RBFOX3: variants seen among roughly 807,000 people sequenced by gnomAD.
The protein encoded by RBFOX3 is RNA binding protein fox-1 homolog 3.
Under a neutral mutation model 48.7 loss-of-function variants are expected in RBFOX3, and 17 were observed. The observed-to-expected ratio is 0.35, with a 90% CI of 0.24 to 0.52. The LOEUF (loss-of-function observed/expected upper bound fraction) is 0.52. RBFOX3 is among the 20% of genes least tolerant of loss of function. The pLI is 0.94. For missense variants in RBFOX3, 382 were observed against 497.5 expected (o/e 0.77, Z 2.21); for synonymous variants, 212 against 209.5 (o/e 1.01, Z -0.10).
intron 2 of RBFOX3, among the ~76,000 whole-genome samples, chr17:79,420,175 A>ACACACACACAC (rs1555721370): frequency 2.5e-4 from 18 of 71,738 alleles, no homozygotes; most frequent in African/African-American, 6.9e-4. Flanking sequence ...ACACACACAC[A>ACACACACACAC]AAAGATGGTT....
At chr17:79,225,465 A>G (rs2060208049) in intron 4 of RBFOX3, among the ~76,000 whole-genome samples, 1 of 151,958 alleles carries the variant, frequency 6.6e-6, no homozygotes, top group Non-Finnish European at 1.5e-5. Flanking sequence ...TAATTTTAGT[A>G]TTTTTAGTAG....
the RBFOX3 span, among the ~76,000 whole-genome samples, chr17:79,620,047 GCA>G: frequency 3.3e-5 from 4 of 121,742 alleles, no homozygotes; most frequent in African/African-American, 1.3e-4. Flanking sequence ...ATGCACACAC[GCA>G]CATGCACACA....
At chr17:79,317,186 C>A (rs1329315507) in intron 2 of RBFOX3, among the ~76,000 whole-genome samples, 2 of 152,196 alleles carry the variant, frequency 1.3e-5, no homozygotes, top group Non-Finnish European at 2.9e-5. Flanking sequence ...TTTCTCAAGG[C>A]CACACAGTCA....
In RBFOX3 at chr17:79,522,929, C is replaced by CAA. The variant is rs34245309; in HGVS notation, c.-319-40333_-319-40332dup. Reference sequence around the variant, plus strand: ...TGGGTGACAGAGCAAGACTCCGTCTCAAAAAAAAAAAAAAAAAAAAAAAAA... The same window carrying CAA: ...TGGGTGACAGAGCAAGACTCCGTCTCAAAAAAAAAAAAAAAAAAAAAAAAAAA... On this transcript the variant is annotated intron_variant, in intron 1 of 14. Coordinates refer to ENST00000693108, the MANE Select transcript of RBFOX3 (RefSeq NM_001350451.2). Among the ~76,000 whole-genome samples, 93 of 31,940 alleles carry CAA rather than the reference C, an allele frequency of 2.9e-3. 8 individuals are homozygous for CAA. Among genetic ancestry groups the CAA allele is most frequent in the Middle Eastern group, 0.016 (1 of 64 alleles). The allele number at this position is 31,940 out of a possible 152,430, so 21.0% of individuals were successfully genotyped here. A position where few individuals can be genotyped will look rare whatever the true frequency, so the allele number is the denominator to read the frequency against.
chr17:79,598,325 CACACGCTCATGCACAT>C (rs1346161505), intron 1 of RBFOX3: 1 of 152,478 alleles, frequency 6.6e-6, no homozygotes, highest in Non-Finnish European at 1.5e-5. Flanking sequence ...CACATGCACA[CACACGCTCATGCACAT>C]GCACACACAT....
At chr17:79,297,773 A>G (rs985829249) in intron 3 of RBFOX3, among the ~76,000 whole-genome samples, 1 of 152,242 alleles carries the variant, frequency 6.6e-6, no homozygotes, top group African/African-American at 2.4e-5. Flanking sequence ...ATTGGGCCAC[A>G]GGAGCAGATG....
intron 4 of RBFOX3, among the ~76,000 whole-genome samples, chr17:79,162,990 C>T (rs779321302): frequency 2.6e-5 from 4 of 152,202 alleles, no homozygotes; most frequent in East Asian, 3.9e-4. Context: ...ATGCAGCTCT[C>T]GGGTGCTCCT....
At chr17:79,356,613 C>T (rs2085177386) in intron 2 of RBFOX3, among the ~76,000 whole-genome samples, 1 of 151,802 alleles carries the variant, frequency 6.6e-6, no homozygotes, top group Non-Finnish European at 1.5e-5. Context: ...AGGTGACCCA[C>T]CCACCTTGGC....
intron 2 of RBFOX3, among the ~76,000 whole-genome samples, chr17:79,388,646 CTG>C (rs2060912490): frequency 6.6e-6 from 1 of 152,196 alleles, no homozygotes; most frequent in Non-Finnish European, 1.5e-5. Flanking sequence ...TCGTTCCCAC[CTG>C]CAGCAGCACT....
upstream of RBFOX3, among the ~76,000 whole-genome samples, chr17:79,612,708 G>T (rs2093978134): frequency 6.6e-6 from 1 of 152,208 alleles, no homozygotes; most frequent in Non-Finnish European, 1.5e-5. Context: ...ACTTTCCCCT[G>T]CCACCGGATT....
intron 2 of RBFOX3, among the ~76,000 whole-genome samples, chr17:79,408,028 C>T (rs965935041): frequency 2.0e-5 from 3 of 152,142 alleles, no homozygotes; most frequent in African/African-American, 4.8e-5. Flanking sequence ...CTCTGGAGCC[C>T]GCCAGCCCCA....
the RBFOX3 span, among the ~76,000 whole-genome samples, chr17:79,617,572 A>G: frequency 6.6e-6 from 1 of 151,686 alleles, no homozygotes; most frequent in Non-Finnish European, 1.5e-5. Context: ...TTCATCCTCC[A>G]CCACAGCACC....
chr17:79,148,176 C>T (rs989039866), intron 4 of RBFOX3, among the ~76,000 whole-genome samples: 6 of 152,218 alleles, frequency 3.9e-5, no homozygotes, highest in African/African-American at 1.4e-4. Context: ...TCATGGCTAA[C>T]ACTCCTTGCA....
chr17:79,233,780 T>C (rs564349661), intron 4 of RBFOX3: 2 of 152,328 alleles, frequency 1.3e-5, no homozygotes, highest in South Asian at 4.1e-4. Context: ...CTAATTTTTG[T>C]ATTTTTAGTA....
intron 1 of RBFOX3, among the ~76,000 whole-genome samples, chr17:79,494,641 G>C (rs1235936458): frequency 6.6e-6 from 1 of 152,244 alleles, no homozygotes. Flanking sequence ...TGAAGGAGCG[G>C]GAGGCGTGGA....
intron 1 of RBFOX3, among the ~76,000 whole-genome samples, chr17:79,519,130 G>A (rs1471989415): frequency 2.0e-5 from 3 of 152,250 alleles, no homozygotes; most frequent in African/African-American, 7.2e-5. Flanking sequence ...GGGGAAGCCC[G>A]AGCTTTGAAC....
At chr17:79,455,409 T>C (rs928251147) in intron 2 of RBFOX3, among the ~76,000 whole-genome samples, 110 of 152,172 alleles carry the variant, frequency 7.2e-4, no homozygotes, top group African/African-American at 2.5e-3. Context: ...CAGTGTTAAC[T>C]GAAGGTGGGA....
intron 4 of RBFOX3, among the ~76,000 whole-genome samples, chr17:79,172,572 G>A (rs887130816): frequency 2.2e-4 from 33 of 152,216 alleles, no homozygotes; most frequent in Non-Finnish European, 8.8e-5. Context: ...TGGGGAGCCG[G>A]AGGGTCTGCG....
chr17:79,407,671 A>G (rs995275193), intron 2 of RBFOX3, among the ~76,000 whole-genome samples: 23 of 152,206 alleles, frequency 1.5e-4, no homozygotes, highest in African/African-American at 5.1e-4. Flanking sequence ...TTGGGGGACA[A>G]GGCGTGGGGA....
Sources: gnomAD v4.1 joint callset for allele counts (sites outside exome capture counted in the v4.1 genomes callset) on GRCh38, gnomAD v4.1.1 for gene constraint, MANE v1.5 for transcripts, NCBI Gene and HGNC (gene_info 2026-07-23, HGNC 2026-07-21) for gene names.